Variants in SUPT6H observed in about 807,000 individuals in gnomAD.
SUPT6H encodes SPT6 homolog, histone chaperone and transcription elongation factor.
SUPT6H carries 11 observed loss-of-function variants against 222.3 expected under a neutral mutation model. That is an observed-to-expected ratio of 0.05 (90% confidence interval 0.03 to 0.08). SUPT6H has a LOEUF of 0.08. Among genes scored for constraint, SUPT6H ranks in the 10% least tolerant of loss-of-function variants. The pLI is 1.00. For synonymous variants in SUPT6H, 762 were observed against 801.2 expected, an observed-to-expected ratio of 0.95 and a Z score of 0.83; for missense variants, 1,422 against 2,216.0, an observed-to-expected ratio of 0.64 and a Z score of 7.19.
At chr17:28,682,278 G>C (rs1056939307) in intron 13 of SUPT6H, 5 of 319,652 alleles carry the variant, frequency 1.6e-5, no homozygotes, top group Non-Finnish European at 2.9e-5. Flanking sequence ...TTTAAAATCA[G>C]TTTTTTCATT....
At chr17:28,678,481 C>T in intron 9 of SUPT6H, 64 bp from the exon 10 acceptor site, 6 of 1,492,742 alleles carry the variant, frequency 4.0e-6, no homozygotes, top group Non-Finnish European at 5.6e-6. Flanking sequence ...TCATTATCTA[C>T]TGACAGAGGG....
chr17:28,664,262 C>G (rs2029892348), intron 1 of SUPT6H, among the ~76,000 whole-genome samples: 1 of 152,192 alleles, frequency 6.6e-6, no homozygotes, highest in South Asian at 2.1e-4. Flanking sequence ...AATCCCAGCA[C>G]TTTGGGAGGT....
At chr17:28,669,601 C>G (rs776999159) in intron 1 of SUPT6H, among the ~76,000 whole-genome samples, 1 of 152,164 alleles carries the variant, frequency 6.6e-6, no homozygotes, top group Non-Finnish European at 1.5e-5. Flanking sequence ...CTCAGGAGTT[C>G]GAAACCAGCC....
chr17:28,666,551 T>G (rs1292343920), intron 1 of SUPT6H, among the ~76,000 whole-genome samples: 1 of 138,690 alleles, frequency 7.2e-6, no homozygotes, highest in African/African-American at 2.7e-5. Context: ...AAAGGAATAC[T>G]TTTTTTTTTT....
chr17:28,701,613 G>A lies in SUPT6H; in HGVS notation c.5169G>A (p.Glu1723=), dbSNP rs776024237. ...GCGATGCCACCCCACTCCTGGACGA[G>A]ATGGATCGGTAGGGGGCCTGCTCCT... ...IAGDATPLLD[E]MDR Residue 1723 remains glutamate (E), a synonymous_variant, in exon 37 of 37, where the codon GAG becomes GAA. Transcript: ENST00000314616. 2.1e-5 allele frequency: 34 copies of A among 1,610,196 alleles called. No individual in the cohort carries two copies. In the Middle Eastern group the frequency reaches 2.5e-3, roughly 117 times the overall value.
At chr17:28,697,543 G>T in intron 30 of SUPT6H, 77 bp from the exon 31 acceptor site, 6 of 1,253,544 alleles carry the variant, frequency 4.8e-6, no homozygotes, top group Middle Eastern at 1.9e-4. Flanking sequence ...CCCTCCCATG[G>T]TTTTTCTTCT....
rs557538774 is a variant in SUPT6H, at chr17:28,686,646, C to G, written c.2565-8C>G. ...AACATATTCATTGACCAACACTCATCCCACCAGGGACGCCCAGATGTTGAT... is the reference window on the plus strand; with the variant it reads ...AACATATTCATTGACCAACACTCATGCCACCAGGGACGCCCAGATGTTGAT... On this transcript the variant is annotated splice_polypyrimidine_tract_variant and splice_region_variant and intron_variant, in intron 20 of 36. Transcript: ENST00000314616. The G allele has an allele frequency of 1.8e-4, 285 of 1,585,680 alleles. 6 individuals are homozygous for G. Among genetic ancestry groups the G allele is most frequent in the South Asian group, 1.6e-3 (136 of 85,888 alleles).
chr17:28,669,258 C>T (rs1472362345), intron 1 of SUPT6H, among the ~76,000 whole-genome samples: 2 of 152,182 alleles, frequency 1.3e-5, no homozygotes, highest in Non-Finnish European at 2.9e-5. Flanking sequence ...GTAGCACCAT[C>T]TTGGCTCACT....
At chr17:28,680,627 G>A (rs2151629310) in intron 11 of SUPT6H, among the ~76,000 whole-genome samples, 1 of 152,192 alleles carries the variant, frequency 6.6e-6, no homozygotes, top group Middle Eastern at 3.4e-3. Flanking sequence ...ATGTTCTAGG[G>A]CTATCATGTG....
intron 6 of SUPT6H, 26 bp downstream of exon 6, chr17:28,675,511 G>A (rs772449373): frequency 1.2e-6 from 2 of 1,612,814 alleles, no homozygotes; most frequent in African/African-American, 2.7e-5. Context: ...TACAAGGTGG[G>A]GATAAAGTGA....
intron 1 of SUPT6H, among the ~76,000 whole-genome samples, chr17:28,663,263 C>T (rs1435180438): frequency 6.6e-6 from 1 of 152,254 alleles, no homozygotes; most frequent in Non-Finnish European, 1.5e-5. Flanking sequence ...AGAAACATAA[C>T]TGCTCTTCCA....
intron 1 of SUPT6H, among the ~76,000 whole-genome samples, chr17:28,666,550 C>CTT (rs869201111): frequency 1.4e-4 from 20 of 138,640 alleles, no homozygotes; most frequent in Non-Finnish European, 1.7e-4. Context: ...AAAAGGAATA[C>CTT]TTTTTTTTTT....
At chr17:28,681,130 G>A (rs2031081462) in intron 11 of SUPT6H, 126 bp from the exon 12 acceptor site, 9 of 978,088 alleles carry the variant, frequency 9.2e-6, no homozygotes, top group Middle Eastern at 3.3e-4. Flanking sequence ...ATAATAATTG[G>A]AAAAAACTGG....
chr17:28,696,296 CAA>C (rs1185490286), intron 29 of SUPT6H, among the ~76,000 whole-genome samples: 17 of 53,680 alleles, frequency 3.2e-4, no homozygotes, highest in African/African-American at 2.3e-4. Flanking sequence ...GACTCTGTCT[CAA>C]AAAAAAAAAA....
chr17:28,690,432 A>G (rs1236214502), intron 26 of SUPT6H, among the ~76,000 whole-genome samples: 1 of 152,184 alleles, frequency 6.6e-6, no homozygotes, highest in Admixed American at 6.5e-5. Context: ...GTGCTATGGA[A>G]TCTTCATGCA....
rs201373260 is a variant in SUPT6H at position 28,674,361 on chromosome 17, A to T, written c.188A>T (p.Asp63Val). ...NLKGFINDDDDEDEGEEDEGS... is the reference protein window; with the variant it reads ...NLKGFINDDDVEDEGEEDEGS... ...AAAGGCTTTATCAATGACGATGATGATGAAGATGAAGGGGAGGAGGATGAG... is the reference window on the plus strand; with the variant it reads ...AAAGGCTTTATCAATGACGATGATGTTGAAGATGAAGGGGAGGAGGATGAG... Residue 63 changes from aspartate to valine, a missense_variant, in exon 3 of 37, where the codon GAT becomes GTT. Physicochemically the swap from Asp to Val is radical, Grantham distance 152. This residue lies in a region of SUPT6H where 89 missense variants were observed against 118.9 expected (regional missense o/e 0.75). Coordinates refer to ENST00000314616, the MANE Select transcript of SUPT6H (RefSeq NM_003170.5). The T allele has an allele frequency of 1.7e-5, 28 of 1,613,960 alleles. No individual in the cohort carries two copies. The highest frequency in any genetic ancestry group is 2.7e-5 in the African/African-American group (2 of 74,854).
chr17:28,662,571 A>C (rs1435943917), intron 1 of SUPT6H, among the ~76,000 whole-genome samples: 1 of 152,162 alleles, frequency 6.6e-6, no homozygotes, highest in Non-Finnish European at 1.5e-5. Context: ...ATCGGGTGGC[A>C]CGTTGAATCA....
In SUPT6H at chr17:28,701,768, C is replaced by T. The variant is rs992465884; in HGVS notation, c.*143C>T. On this transcript the variant is annotated 3_prime_UTR_variant, in exon 37 of 37. Transcript: ENST00000314616. ...TTTGGTGGTCAACCCGGATGGGTGA[C>T]AGGCTGGATGGCCTTGTGAACTTGA... 3.4e-6 allele frequency: 3 copies of T among 884,888 alleles called. No individual in the cohort carries two copies. Among genetic ancestry groups the T allele is most frequent in the African/African-American group, 3.4e-5 (2 of 59,346 alleles). 54.8% of individuals were successfully genotyped at this position (884,888 alleles called of 1,614,324 possible). A position where few individuals can be genotyped will look rare whatever the true frequency, so the allele number is the denominator to read the frequency against.
intron 19 of SUPT6H, 27 bp from the exon 20 acceptor site, chr17:28,686,312 T>A (rs766334003): frequency 6.2e-7 from 1 of 1,607,524 alleles, no homozygotes; most frequent in South Asian, 1.1e-5. Flanking sequence ...CTCAGAGCCA[T>A]TCAGCTTCAA....
Sources: gnomAD v4.1 joint callset for allele counts (sites outside exome capture counted in the v4.1 genomes callset) on GRCh38, gnomAD v4.1.1 for gene constraint, gnomAD v4.1.1 regional missense constraint, MANE v1.5 for transcripts, NCBI Gene and HGNC (gene_info 2026-07-23, HGNC 2026-07-21) for gene names.